IQGAP1: variants seen among roughly 807,000 people sequenced by gnomAD.
IQGAP1 encodes the protein ras GTPase-activating-like protein IQGAP1.
A neutral mutation model predicts 215.6 loss-of-function variants in IQGAP1; 66 were observed. The ratio of observed to expected loss-of-function variants is 0.31; its 90% CI spans 0.25 to 0.38. The LOEUF (loss-of-function observed/expected upper bound fraction) is 0.38, where lower values mean the gene tolerates loss of function less well. Among genes scored for constraint, IQGAP1 ranks in the 10% least tolerant of loss-of-function variants. IQGAP1 has a pLI of 1.00. For synonymous variants in IQGAP1, 772 were observed against 728.7 expected, an observed-to-expected ratio of 1.06 and a Z score of -0.96; for missense variants, 1,712 against 1,997.1, an observed-to-expected ratio of 0.86 and a Z score of 2.72.
intron 9 of IQGAP1, 80 bp downstream of exon 9, chr15:90,443,558 A>G: frequency 1.2e-6 from 1 of 805,438 alleles, no homozygotes; most frequent in Admixed American, 2.5e-5. Flanking sequence ...GACTTACAAC[A>G]TAGTTTGATT....
intron 14 of IQGAP1, among the ~76,000 whole-genome samples, chr15:90,455,334 C>T (rs1184321856): frequency 1.3e-5 from 2 of 152,130 alleles, no homozygotes; most frequent in East Asian, 3.9e-4. Context: ...GACTCTATAC[C>T]TCAGTGGTTG....
chr15:90,427,977 G>T (rs1360470390), intron 3 of IQGAP1, among the ~76,000 whole-genome samples: 1 of 152,166 alleles, frequency 6.6e-6, no homozygotes, highest in Non-Finnish European at 1.5e-5. Flanking sequence ...ACAAGGAACG[G>T]TATAGGTACT....
chr15:90,483,227 G>A (rs8030299), intron 28 of IQGAP1, 134 bp from the exon 29 acceptor site: 224,482 of 632,192 alleles, frequency 0.36, 42,878 homozygotes, highest in African/African-American at 0.65. Flanking sequence ...GCATGCATGC[G>A]TGTGTATATG....
In IQGAP1 at chr15:90,453,190, T is replaced by C; in HGVS notation, c.1385T>C (p.Leu462Pro). ...GTGGAGATGTTGTCATCGGTGGCCC[T>C]GATCAACAGGGCATTGGAATCAGGA... Reference protein sequence around the residue: ...VAVEMLSSVALINRALESGDV... With the variant: ...VAVEMLSSVAPINRALESGDV... The change falls in exon 13 of 38, where the codon CTG becomes CCG. Residue 462 changes from leucine to proline, a missense_variant. Leu to Pro is a moderately conservative substitution (Grantham distance 98, BLOSUM62 -3). Coordinates refer to ENST00000268182, the MANE Select transcript of IQGAP1 (RefSeq NM_003870.4). 1 of 1,614,064 alleles carries C rather than the reference T, an allele frequency of 6.2e-7. No individual in the cohort carries two copies.
intron 8 of IQGAP1, 128 bp downstream of exon 8, chr15:90,441,812 T>A: frequency 1.4e-6 from 1 of 717,670 alleles, no homozygotes; most frequent in Non-Finnish European, 2.3e-6. Flanking sequence ...ATTTTAAATG[T>A]ACAGTTTGAG....
At position 90,484,313 on chromosome 15, in the gene IQGAP1, A is replaced by T; in HGVS notation, c.3882A>T (p.Val1294=). 1 of 1,612,494 alleles carries T rather than the reference A, an allele frequency of 6.2e-7. No individual in the cohort carries two copies. The highest frequency in any genetic ancestry group is 8.5e-7 in the Non-Finnish European group (1 of 1,178,568). The part of the protein sequence containing the change: ...YSDLVTLTKP[V]IYISIGEIIN... ...ATTTAGTAACCCTCACCAAACCAGT[A>T]ATCTACATTTCCATTGGTGAAATCA... Residue 1294 remains valine, a synonymous_variant, in exon 30 of 38, where the codon GTA becomes GTT. Coordinates refer to ENST00000268182, the MANE Select transcript of IQGAP1 (RefSeq NM_003870.4).
intron 5 of IQGAP1, 37 bp from the exon 6 acceptor site, chr15:90,439,295 C>CT: frequency 6.4e-7 from 1 of 1,569,854 alleles, no homozygotes; most frequent in Non-Finnish European, 8.7e-7. Context: ...CTAGGCACAG[C>CT]TGGGAGGCCT....
At chr15:90,446,308 C>T (rs549100972) in intron 9 of IQGAP1, among the ~76,000 whole-genome samples, 1 of 152,086 alleles carries the variant, frequency 6.6e-6, no homozygotes, top group Admixed American at 6.5e-5. Context: ...CTTAAAATGT[C>T]CTATTCATAT....
chr15:90,474,097 C>T lies in IQGAP1; in HGVS notation c.2539C>T (p.Arg847Trp), dbSNP rs1412422851. The T allele has an allele frequency of 1.8e-5, 29 of 1,613,018 alleles. No homozygotes were observed. Among genetic ancestry groups the T allele is most frequent in the Non-Finnish European group, 2.5e-5 (29 of 1,179,566 alleles). The change falls in exon 22 of 38, where the codon CGG becomes TGG. Residue 847 changes from arginine to tryptophan, a missense_variant. Physicochemically the swap from Arg to Trp is moderately radical, Grantham distance 101. Coordinates refer to ENST00000268182, the MANE Select transcript of IQGAP1 (RefSeq NM_003870.4). ...NDIIKIQAFI[R>W]ANKARDDYKT... is the part of the protein sequence containing the mutation. ...CATTATCAAAATCCAGGCTTTTATT[C>T]GGGCAAACAAAGCTCGGGATGACTA...
intron 2 of IQGAP1, among the ~76,000 whole-genome samples, chr15:90,403,232 C>A (rs1242599564): frequency 1.3e-5 from 2 of 152,184 alleles, no homozygotes; most frequent in Non-Finnish European, 2.9e-5. Flanking sequence ...GCTACGATCA[C>A]ACTGCTGCAC....
chr15:90,421,758 A>G (rs1965139962), intron 2 of IQGAP1, among the ~76,000 whole-genome samples: 1 of 152,118 alleles, frequency 6.6e-6, no homozygotes. Flanking sequence ...CAGTGATGCA[A>G]TCTCAGCTCA....
At chr15:90,473,510 C>G in intron 19 of IQGAP1, 1 of 553,904 alleles carries the variant, frequency 1.8e-6, no homozygotes, top group East Asian at 3.1e-5. Flanking sequence ...GCTGTGCTGA[C>G]GTTGGGGAAG....
intron 2 of IQGAP1, among the ~76,000 whole-genome samples, chr15:90,398,905 C>G (rs963694136): frequency 1.3e-5 from 2 of 149,626 alleles, no homozygotes; most frequent in African/African-American, 4.9e-5. Flanking sequence ...ACTCTGGAAG[C>G]TGAGGCACAA....
At chr15:90,449,022 A>G (rs1163499569) in intron 10 of IQGAP1, among the ~76,000 whole-genome samples, 1 of 150,588 alleles carries the variant, frequency 6.6e-6, no homozygotes, top group Admixed American at 6.6e-5. Flanking sequence ...ACTAAAAGAC[A>G]TTGGGGAAAA....
At chr15:90,394,092 G>A (rs1311961982) in intron 2 of IQGAP1, among the ~76,000 whole-genome samples, 1 of 136,990 alleles carries the variant, frequency 7.3e-6, no homozygotes, top group Non-Finnish European at 1.5e-5. Flanking sequence ...CTGAGACAGT[G>A]CCATTGCACT....
intron 4 of IQGAP1, among the ~76,000 whole-genome samples, chr15:90,433,502 T>C (rs1437834228): frequency 6.6e-6 from 1 of 152,200 alleles, no homozygotes; most frequent in African/African-American, 2.4e-5. Flanking sequence ...AGTAGTACTT[T>C]TTATTCTGTA....
intron 1 of IQGAP1, 119 bp downstream of exon 1, chr15:90,388,515 C>T (rs968173078): frequency 7.2e-6 from 6 of 831,432 alleles, no homozygotes; most frequent in Middle Eastern, 3.9e-4. Flanking sequence ...AGCTCGGACC[C>T]GGAAGAGCCG....
intron 18 of IQGAP1, among the ~76,000 whole-genome samples, chr15:90,470,396 A>T (rs1299367730): frequency 6.6e-6 from 1 of 152,110 alleles, no homozygotes; most frequent in East Asian, 1.9e-4. Context: ...TGTCTGAATC[A>T]CCTGGGATCT....
At chr15:90,427,346 A>G (rs559380457) in intron 3 of IQGAP1, among the ~76,000 whole-genome samples, 9 of 152,214 alleles carry the variant, frequency 5.9e-5, no homozygotes, top group Non-Finnish European at 1.3e-4. Flanking sequence ...TTCAAGGTAC[A>G]ATGGGAAAGT....
Sources: gnomAD v4.1 joint callset for allele counts (sites outside exome capture counted in the v4.1 genomes callset) on GRCh38, gnomAD v4.1.1 for gene constraint, MANE v1.5 for transcripts, NCBI Gene and HGNC (gene_info 2026-07-23, HGNC 2026-07-21) for gene names.